CRCP: variants seen among roughly 807,000 people sequenced by gnomAD.
CRCP encodes the protein DNA-directed RNA polymerase III subunit RPC9.
In CRCP, 18 loss-of-function variants were observed where a neutral mutation model predicts 18.5. The ratio of observed to expected loss-of-function variants is 0.97; its 90% CI spans 0.67 to 1.44. The LOEUF is 1.44. Ranked by LOEUF, CRCP falls within the 40% of genes most tolerant of loss-of-function variation. The pLI is 0.00. For missense variants in CRCP, 130 were observed against 176.4 expected (o/e 0.74, Z 1.49); for synonymous variants, 53 against 62.9 (o/e 0.84, Z 0.75).
intron 4 of CRCP, among the ~76,000 whole-genome samples, chr7:66,140,637 C>T (rs1409688313): frequency 3.9e-5 from 6 of 152,158 alleles, no homozygotes; most frequent in South Asian, 2.1e-4. Flanking sequence ...GGTGATTCGC[C>T]GCCTCAGCCT....
At chr7:66,115,629 T>A (rs1787236793) in intron 1 of CRCP, among the ~76,000 whole-genome samples, 1 of 152,194 alleles carries the variant, frequency 6.6e-6, no homozygotes, top group African/African-American at 2.4e-5. Context: ...TTGCGCCTGG[T>A]GCAAATGGAA....
intron 4 of CRCP, among the ~76,000 whole-genome samples, chr7:66,144,440 A>G (rs1210037178): frequency 2.3e-4 from 35 of 152,192 alleles, no homozygotes; most frequent in Admixed American, 2.3e-3. Flanking sequence ...TTCATCTCAA[A>G]AAGGAATTTA....
intron 4 of CRCP, among the ~76,000 whole-genome samples, chr7:66,144,627 G>A (rs1245904519): frequency 3.3e-5 from 5 of 152,006 alleles, no homozygotes; most frequent in African/African-American, 4.8e-5. Flanking sequence ...GACTACAGGC[G>A]CAACCCATCA....
intron 5 of CRCP, among the ~76,000 whole-genome samples, chr7:66,150,252 C>A (rs1647646519): frequency 1.3e-5 from 2 of 151,316 alleles, no homozygotes; most frequent in African/African-American, 4.9e-5. Context: ...TCTGTCTTTA[C>A]TAAAAATACA....
At chr7:66,140,719 G>T (rs1366471466) in intron 4 of CRCP, among the ~76,000 whole-genome samples, 1 of 152,174 alleles carries the variant, frequency 6.6e-6, no homozygotes, top group East Asian at 1.9e-4. Flanking sequence ...GTAATCTGTG[G>T]AGAGAGAAAG....
At chr7:66,142,807 C>G (rs185016039) in intron 4 of CRCP, among the ~76,000 whole-genome samples, 1 of 152,208 alleles carries the variant, frequency 6.6e-6, no homozygotes, top group Non-Finnish European at 1.5e-5. Context: ...TCTCCTGGCC[C>G]GTTAAATGGA....
intron 5 of CRCP, among the ~76,000 whole-genome samples, chr7:66,148,476 G>A (rs1788364556): frequency 6.6e-6 from 1 of 152,206 alleles, no homozygotes; most frequent in African/African-American, 2.4e-5. Context: ...CCTGGGTTCA[G>A]AAAACAGTCC....
intron 5 of CRCP, among the ~76,000 whole-genome samples, chr7:66,150,359 G>GACTCTGTCTCAAAAAAAAAAAAA (rs1448737215): frequency 7.0e-3 from 112 of 15,970 alleles, no homozygotes; most frequent in Middle Eastern, 0.025. Context: ...AGAGTGAAGG[G>GACTCTGTCTCAAAAAAAAAAAAA]GGGGAGTTGA....
chr7:66,129,027 C>A (rs1475597490), intron 2 of CRCP, among the ~76,000 whole-genome samples: 4 of 151,910 alleles, frequency 2.6e-5, no homozygotes, highest in Non-Finnish European at 5.9e-5. Flanking sequence ...AGCAAGACCC[C>A]CAGCTCTTAA....
At chr7:66,130,604 A>G (rs1351802472) in intron 2 of CRCP, 140 bp from the exon 3 acceptor site, 1 of 516,948 alleles carries the variant, frequency 1.9e-6, no homozygotes. Context: ...ATATTTGCTC[A>G]AATCCAAGAG....
intron 1 of CRCP, among the ~76,000 whole-genome samples, chr7:66,119,400 C>G (rs1053952530): frequency 1.2e-4 from 19 of 152,096 alleles, no homozygotes; most frequent in African/African-American, 4.1e-4. Flanking sequence ...TTTTGTGAGC[C>G]ATTCTAGCAA....
intron 3 of CRCP, among the ~76,000 whole-genome samples, chr7:66,133,400 T>C (rs1184737716): frequency 6.6e-6 from 1 of 151,736 alleles, no homozygotes; most frequent in Non-Finnish European, 1.5e-5. Flanking sequence ...CCCAGCTACT[T>C]GGGAGGCTGA....
intron 5 of CRCP, among the ~76,000 whole-genome samples, chr7:66,148,999 G>A (rs1048480293): frequency 6.6e-6 from 1 of 152,210 alleles, no homozygotes; most frequent in African/African-American, 2.4e-5. Flanking sequence ...TAGGACTTTA[G>A]GTTTGGCGAC....
intron 4 of CRCP, among the ~76,000 whole-genome samples, chr7:66,139,110 C>CT (rs1055708985): frequency 3.3e-5 from 5 of 151,914 alleles, no homozygotes; most frequent in Admixed American, 2.0e-4. Context: ...AATAATTTCT[C>CT]TTTTTTTTCC....
chr7:66,127,796 T>C, intron 2 of CRCP, 56 bp downstream of exon 2: 2 of 1,580,224 alleles, frequency 1.3e-6, no homozygotes, highest in Non-Finnish European at 1.7e-6. Context: ...CTCCTGAGAT[T>C]GTTAAATTGA....
At chr7:66,151,673 C>CTCTGTGTGTG (rs1484742797) in intron 5 of CRCP, among the ~76,000 whole-genome samples, 1,906 of 138,446 alleles carry the variant, frequency 0.014, 23 homozygotes, top group Non-Finnish European at 0.02. Flanking sequence ...CCACTTCTCT[C>CTCTGTGTGTG]TGTGTGTGTG....
intron 5 of CRCP, chr7:66,150,846 AG>A (rs771103994): frequency 6.6e-6 from 1 of 151,438 alleles, no homozygotes; most frequent in African/African-American, 2.4e-5. Context: ...CCAAGCAAAC[AG>A]GGTTAAGCAA....
chr7:66,149,321 C>G (rs1788387981), intron 5 of CRCP, among the ~76,000 whole-genome samples: 1 of 151,768 alleles, frequency 6.6e-6, no homozygotes, highest in African/African-American at 2.4e-5. Flanking sequence ...CCCAGGAGTT[C>G]AAGACCAGCC....
chr7:66,134,920 T>G (rs1227491710), intron 4 of CRCP, among the ~76,000 whole-genome samples: 2 of 152,170 alleles, frequency 1.3e-5, no homozygotes, highest in Non-Finnish European at 2.9e-5. Context: ...AAGGATCATC[T>G]GCTAAACTCA....
Sources: gnomAD v4.1 joint callset for allele counts (sites outside exome capture counted in the v4.1 genomes callset) on GRCh38, gnomAD v4.1.1 for gene constraint, MANE v1.5 for transcripts, NCBI Gene and HGNC (gene_info 2026-07-23, HGNC 2026-07-21) for gene names.